Variants in ADGRG6 observed in about 807,000 individuals in gnomAD.
The protein encoded by ADGRG6 is adhesion G protein-coupled receptor G6.
Under a neutral mutation model 142.4 loss-of-function variants are expected in ADGRG6, and 84 were observed. The observed-to-expected ratio is 0.59, with a 90% CI of 0.49 to 0.71. ADGRG6 has a LOEUF of 0.71. ADGRG6 is among the 30% of genes least tolerant of loss of function. The probability of loss-of-function intolerance (pLI) is 0.00; values close to 1 mark genes in which losing one functional copy is unlikely to be tolerated. For synonymous variants in ADGRG6, 521 were observed against 520.5 expected (o/e 1.00, Z -0.01); for missense variants, 1,367 against 1,466.6 (o/e 0.93, Z 1.11).
intron 2 of ADGRG6, among the ~76,000 whole-genome samples, chr6:142,327,315 A>G (rs1032347785): frequency 1.3e-5 from 2 of 152,100 alleles, no homozygotes; most frequent in African/African-American, 4.8e-5. Flanking sequence ...AAGTACCATA[A>G]CAGCAACTTT....
At chr6:142,332,878 TCTGTCAGACG>T (rs1779127042) in intron 2 of ADGRG6, among the ~76,000 whole-genome samples, 3 of 152,166 alleles carry the variant, frequency 2.0e-5, no homozygotes, top group Middle Eastern at 3.2e-3. Context: ...GGTAAGGGCT[TCTGTCAGACG>T]CCTGGAAAGT....
intron 22 of ADGRG6, among the ~76,000 whole-genome samples, chr6:142,422,329 C>G (rs942106320): frequency 2.0e-5 from 3 of 152,006 alleles, no homozygotes; most frequent in African/African-American, 7.2e-5. Context: ...CCCACCCCAC[C>G]ACAGTCCCCA....
intron 2 of ADGRG6, among the ~76,000 whole-genome samples, chr6:142,322,147 C>A (rs1268879852): frequency 6.6e-6 from 1 of 152,104 alleles, no homozygotes; most frequent in Non-Finnish European, 1.5e-5. Context: ...TGTCAGTAAT[C>A]CCAAAACTTT....
chr6:142,403,552 G>T (rs1775645306), intron 13 of ADGRG6, among the ~76,000 whole-genome samples: 1 of 152,112 alleles, frequency 6.6e-6, no homozygotes, highest in Non-Finnish European at 1.5e-5. Context: ...AACAGTATTT[G>T]TTCAGGATGA....
intron 22 of ADGRG6, among the ~76,000 whole-genome samples, chr6:142,433,880 AC>A (rs1307164820): frequency 6.6e-6 from 1 of 152,000 alleles, no homozygotes; most frequent in African/African-American, 2.4e-5. Flanking sequence ...ACATAGTGAG[AC>A]CCCCACTTCT....
At chr6:142,341,545 A>T (rs1305389297) in intron 2 of ADGRG6, among the ~76,000 whole-genome samples, 3 of 119,698 alleles carry the variant, frequency 2.5e-5, no homozygotes, top group Non-Finnish European at 3.3e-5. Context: ...ATAGTATATA[A>T]TATATAGTAT....
chr6:142,302,114 T>G lies in ADGRG6; in HGVS notation c.-216T>G, dbSNP rs769560781. On this transcript the variant is annotated 5_prime_UTR_variant, in exon 1 of 25. Transcript: ENST00000367609. Reference sequence around the variant, plus strand: ...GACCTGCCGCCAGCCTGCTTCCTCGTCCGCAGGCCCTGCGCTGAACGCTGC... The same window carrying G: ...GACCTGCCGCCAGCCTGCTTCCTCGGCCGCAGGCCCTGCGCTGAACGCTGC... 9 of 545,212 alleles carry G rather than the reference T, an allele frequency of 1.7e-5. No individual in the cohort carries two copies. The highest frequency in any genetic ancestry group is 1.2e-4 in the East Asian group (4 of 32,180). 33.8% of individuals were successfully genotyped at this position (545,212 alleles called of 1,614,324 possible).
chr6:142,344,395 A>G (rs1779799520), intron 2 of ADGRG6, among the ~76,000 whole-genome samples: 1 of 151,954 alleles, frequency 6.6e-6, no homozygotes, highest in Admixed American at 6.6e-5. Context: ...ATCACACAGA[A>G]CTGTTCTAGA....
chr6:142,367,325 G>A (rs1780988591), intron 2 of ADGRG6, among the ~76,000 whole-genome samples: 1 of 152,070 alleles, frequency 6.6e-6, no homozygotes, highest in Admixed American at 6.6e-5. Context: ...TTCTCAGACT[G>A]TATAACCTCC....
chr6:142,343,657 T>C (rs979765415), intron 2 of ADGRG6, among the ~76,000 whole-genome samples: 3 of 151,902 alleles, frequency 2.0e-5, no homozygotes, highest in African/African-American at 7.2e-5. Flanking sequence ...ATAATTACCA[T>C]TGCAAAAAAG....
At chr6:142,363,619 A>G (rs777351306) in intron 2 of ADGRG6, among the ~76,000 whole-genome samples, 5 of 152,184 alleles carry the variant, frequency 3.3e-5, no homozygotes, top group Non-Finnish European at 7.4e-5. Flanking sequence ...TTGAGAACAT[A>G]TTGAGCCAGA....
chr6:142,356,637 T>TA, intron 2 of ADGRG6, among the ~76,000 whole-genome samples: 1 of 152,210 alleles, frequency 6.6e-6, no homozygotes, highest in Non-Finnish European at 1.5e-5. Context: ...GAGGCTCTAT[T>TA]ATGTGTCATA....
At chr6:142,363,051 A>G (rs1375841893) in intron 2 of ADGRG6, among the ~76,000 whole-genome samples, 4 of 152,224 alleles carry the variant, frequency 2.6e-5, no homozygotes, top group Admixed American at 6.5e-5. Flanking sequence ...TTCACTGACC[A>G]GGTTTTTCTA....
At chr6:142,405,490 A>T (rs1457474206) in intron 14 of ADGRG6, 198 bp from the exon 15 acceptor site, 2 of 670,730 alleles carry the variant, frequency 3.0e-6, no homozygotes, top group Non-Finnish European at 2.7e-6. Flanking sequence ...GCACACATGT[A>T]AAACCCAAAT....
chr6:142,326,003 A>G (rs1778758532), intron 2 of ADGRG6, among the ~76,000 whole-genome samples: 1 of 152,066 alleles, frequency 6.6e-6, no homozygotes, highest in Non-Finnish European at 1.5e-5. Context: ...AATTTTATGA[A>G]TTATGGCAAA....
At chr6:142,387,971 T>C (rs1406252048) in intron 6 of ADGRG6, among the ~76,000 whole-genome samples, 1 of 152,210 alleles carries the variant, frequency 6.6e-6, no homozygotes, top group Non-Finnish European at 1.5e-5. Flanking sequence ...CACATGAAGA[T>C]TTGTGAATAG....
intron 4 of ADGRG6, among the ~76,000 whole-genome samples, chr6:142,379,582 A>G (rs1242252825): frequency 1.3e-5 from 2 of 152,128 alleles, no homozygotes; most frequent in Non-Finnish European, 1.5e-5. Flanking sequence ...CCTGGCTAAC[A>G]TGGTGAAACC....
At chr6:142,329,876 G>A (rs1406060446) in intron 2 of ADGRG6, among the ~76,000 whole-genome samples, 1 of 152,180 alleles carries the variant, frequency 6.6e-6, no homozygotes, top group Non-Finnish European at 1.5e-5. Context: ...GAAGGGAGTA[G>A]AAAAGGAGGA....
At chr6:142,427,292 A>G (rs1776991039) in intron 22 of ADGRG6, among the ~76,000 whole-genome samples, 1 of 152,096 alleles carries the variant, frequency 6.6e-6, no homozygotes, top group African/African-American at 2.4e-5. Context: ...GATACCCTAA[A>G]TCATCCCTCT....
Sources: gnomAD v4.1 joint callset for allele counts (sites outside exome capture counted in the v4.1 genomes callset) on GRCh38, gnomAD v4.1.1 for gene constraint, MANE v1.5 for transcripts, NCBI Gene and HGNC (gene_info 2026-07-23, HGNC 2026-07-21) for gene names.